PCCA: variants seen among roughly 807,000 people sequenced by gnomAD.
PCCA encodes the protein propionyl-CoA carboxylase alpha chain, mitochondrial.
A neutral mutation model predicts 101.3 loss-of-function variants in PCCA; 74 were observed. The ratio of observed to expected loss-of-function variants is 0.73; its 90% CI spans 0.61 to 0.89. The LOEUF (loss-of-function observed/expected upper bound fraction) is 0.89. Ranked by LOEUF, PCCA falls within the 40% of genes least tolerant of loss-of-function variation. PCCA has a pLI of 0.00. For missense variants in PCCA, 891 were observed against 907.0 expected, an observed-to-expected ratio of 0.98 and a Z score of 0.23; for synonymous variants, 294 against 313.6, an observed-to-expected ratio of 0.94 and a Z score of 0.66.
chr13:100,400,620 CTTTTTAGTTCT>C (rs1475651226), intron 19 of PCCA, among the ~76,000 whole-genome samples: 1 of 61,950 alleles, frequency 1.6e-5, no homozygotes, highest in Admixed American at 1.6e-4. Context: ...GATCTTAGTT[CTTTTTAGTTCT>C]TTTTTTTTTT....
chr13:100,278,011 G>A (rs1221064021), intron 12 of PCCA, among the ~76,000 whole-genome samples: 1 of 152,122 alleles, frequency 6.6e-6, no homozygotes, highest in Non-Finnish European at 1.5e-5. Flanking sequence ...ATAGGTAGTA[G>A]CTCAGTAGTT....
intron 2 of PCCA, among the ~76,000 whole-genome samples, chr13:100,105,844 C>CAAAAAAAAAAAAAAAAAAAA (rs71114671): frequency 1.6e-5 from 1 of 62,506 alleles, no homozygotes; most frequent in Admixed American, 2.6e-4. Context: ...GATCCTGTCT[C>CAAAAAAAAAAAAAAAAAAAA]AAAAAAAAAA....
At chr13:100,473,572 G>A (rs1192210279) in intron 21 of PCCA, among the ~76,000 whole-genome samples, 2 of 152,100 alleles carry the variant, frequency 1.3e-5, no homozygotes, top group Admixed American at 6.5e-5. Context: ...TTCACGAAGA[G>A]AGCCTTGAAA....
At chr13:100,197,106 G>T (rs1351567747) in intron 6 of PCCA, among the ~76,000 whole-genome samples, 1 of 152,176 alleles carries the variant, frequency 6.6e-6, no homozygotes, top group Non-Finnish European at 1.5e-5. Context: ...TAGTACCAGT[G>T]CACATCCTTA....
intron 12 of PCCA, among the ~76,000 whole-genome samples, chr13:100,282,136 G>T (rs1413068619): frequency 6.6e-6 from 1 of 152,118 alleles, no homozygotes; most frequent in Non-Finnish European, 1.5e-5. Flanking sequence ...TTTTCTTATT[G>T]ATGTGTAGGT....
At chr13:100,183,679 G>T (rs567640719) in intron 6 of PCCA, among the ~76,000 whole-genome samples, 2 of 152,276 alleles carry the variant, frequency 1.3e-5, no homozygotes, top group South Asian at 4.1e-4. Context: ...CCAGGAAGGG[G>T]CTGTAGTGTC....
chr13:100,293,149 C>G (rs971357934), intron 12 of PCCA: 16 of 463,870 alleles, frequency 3.4e-5, no homozygotes, highest in African/African-American at 1.2e-4. Flanking sequence ...CTGTCCATAT[C>G]TTTGAGAACA....
chr13:100,208,637 C>CT (rs549027571), intron 6 of PCCA, among the ~76,000 whole-genome samples: 39 of 149,412 alleles, frequency 2.6e-4, no homozygotes, highest in East Asian at 7.8e-4. Context: ...AAGTCACTAG[C>CT]TTTTTTTTTT....
chr13:100,416,748 C>T lies in PCCA; in HGVS notation c.1747-8885C>T, dbSNP rs1215139653. On this transcript the variant is annotated intron_variant, in intron 19 of 23. Transcript: ENST00000376285. ...CCATCTTGGCCAGGCTGGTCTCAAA[C>T]TCCTGGCCCCATAATCTACCCGCCT... is the stretch of plus-strand genomic sequence containing the variant. Among the ~76,000 whole-genome samples the T allele has an allele frequency of 2.6e-5, 4 of 151,962 alleles. No individual in the cohort carries two copies. In the East Asian group the frequency reaches 7.7e-4, roughly 29 times the overall value.
intron 19 of PCCA, among the ~76,000 whole-genome samples, chr13:100,377,081 G>A (rs1273979666): frequency 6.6e-6 from 1 of 152,166 alleles, no homozygotes; most frequent in Admixed American, 6.5e-5. Flanking sequence ...CTGACCCCTT[G>A]TGCTGCCCGG....
intron 21 of PCCA, among the ~76,000 whole-genome samples, chr13:100,498,679 C>A (rs1403373330): frequency 6.6e-6 from 1 of 152,164 alleles, no homozygotes; most frequent in Non-Finnish European, 1.5e-5. Flanking sequence ...CCCCAGCAAC[C>A]CCTAGCCTAC....
chr13:100,362,872 C>A (rs2074774566), intron 18 of PCCA, among the ~76,000 whole-genome samples: 1 of 152,118 alleles, frequency 6.6e-6, no homozygotes, highest in Non-Finnish European at 1.5e-5. Context: ...TGCATGTAGG[C>A]AGAATTCTAA....
At chr13:100,174,465 G>A (rs999092082) in intron 6 of PCCA, among the ~76,000 whole-genome samples, 2 of 147,964 alleles carry the variant, frequency 1.4e-5, no homozygotes, top group Admixed American at 6.8e-5. Context: ...GGTGGCTCAC[G>A]CCTGTAATCC....
At chr13:100,468,702 T>A (rs987374331) in intron 21 of PCCA, among the ~76,000 whole-genome samples, 1 of 152,156 alleles carries the variant, frequency 6.6e-6, no homozygotes, top group Non-Finnish European at 1.5e-5. Flanking sequence ...TAAGTGAATG[T>A]TGTGGCTGGT....
chr13:100,289,456 A>C (rs2064959574), intron 12 of PCCA, among the ~76,000 whole-genome samples: 1 of 152,022 alleles, frequency 6.6e-6, no homozygotes, highest in African/African-American at 2.4e-5. Flanking sequence ...AGCCTGAAAA[A>C]ATTTTCTAAG....
chr13:100,193,639 A>T (rs1293443272), intron 6 of PCCA, among the ~76,000 whole-genome samples: 1 of 152,210 alleles, frequency 6.6e-6, no homozygotes, highest in Non-Finnish European at 1.5e-5. Flanking sequence ...AGATAAACAA[A>T]TGTCAGCTTG....
At chr13:100,522,100 C>T (rs891402459) in intron 22 of PCCA, among the ~76,000 whole-genome samples, 1 of 152,158 alleles carries the variant, frequency 6.6e-6, no homozygotes, top group Non-Finnish European at 1.5e-5. Context: ...TTTTAATTGC[C>T]GAAATCATTC....
chr13:100,491,770 T>A (rs982654414), intron 21 of PCCA: 1 of 1,185,488 alleles, frequency 8.4e-7, no homozygotes, highest in African/African-American at 1.6e-5. Context: ...TCTTTTGGAT[T>A]TGTAACACTT....
intron 6 of PCCA, chr13:100,198,472 A>ATTCG (rs1283770572): frequency 7.9e-4 from 21 of 26,642 alleles, no homozygotes; most frequent in African/African-American, 1.9e-3. Context: ...TGCCACGTTC[A>ATTCG]TTCATTCATT....
Sources: gnomAD v4.1 joint callset for allele counts (sites outside exome capture counted in the v4.1 genomes callset) on GRCh38, gnomAD v4.1.1 for gene constraint, MANE v1.5 for transcripts, NCBI Gene and HGNC (gene_info 2026-07-23, HGNC 2026-07-21) for gene names.